Variants in CNTNAP2 observed in about 807,000 individuals in gnomAD.
CNTNAP2 encodes the protein contactin-associated protein-like 2.
In CNTNAP2, 98 loss-of-function variants were observed where a neutral mutation model predicts 155.2. The ratio of observed to expected loss-of-function variants is 0.63; its 90% CI spans 0.54 to 0.75. CNTNAP2 has a LOEUF of 0.75. CNTNAP2 is among the 30% of genes least tolerant of loss of function. The pLI is 0.00. For synonymous variants in CNTNAP2, 651 were observed against 631.2 expected (o/e 1.03, Z -0.47); for missense variants, 1,727 against 1,688.1 (o/e 1.02, Z -0.40).
At position 147,724,907 on chromosome 7, in the gene CNTNAP2, ATGAC is replaced by A. The variant is rs141401845; in HGVS notation, c.2098+85603_2098+85606del. Among the ~76,000 whole-genome samples the A allele has an allele frequency of 7.4e-3, 1,126 of 152,094 alleles. 22 individuals carry two copies. The highest frequency in any genetic ancestry group is 0.026 in the African/African-American group (1,084 of 41,534). On this transcript the variant is annotated intron_variant, in intron 13 of 23. Coordinates refer to ENST00000361727, the MANE Select transcript of CNTNAP2 (RefSeq NM_014141.6). ...AAATATAATTGGATGACTGGAATGAATGACTAAGTGCTTTTTACACTAAGTTGCT... is the reference window on the plus strand; with the variant it reads ...AAATATAATTGGATGACTGGAATGAATAAGTGCTTTTTACACTAAGTTGCT...
At position 147,120,971 on chromosome 7, in the gene CNTNAP2, G is replaced by A. The variant is rs1563083756; in HGVS notation, c.755-8G>A. The A allele has an allele frequency of 1.2e-6, 2 of 1,613,160 alleles. No individual in the cohort carries two copies. Among genetic ancestry groups the A allele is most frequent in the African/African-American group, 1.3e-5 (1 of 75,040 alleles). Reference sequence around the variant, plus strand: ...TGCATTGTTTCTTTTTCACTTCTGTGTACGCAGGAAGCAACCAGCTTGGCC... The same window carrying A: ...TGCATTGTTTCTTTTTCACTTCTGTATACGCAGGAAGCAACCAGCTTGGCC... On this transcript the variant is annotated splice_polypyrimidine_tract_variant and splice_region_variant and intron_variant, in intron 5 of 23. Transcript: ENST00000361727.
chr7:148,219,743 A>T (rs1795712202), intron 19 of CNTNAP2, among the ~76,000 whole-genome samples: 2 of 152,054 alleles, frequency 1.3e-5, no homozygotes, highest in Non-Finnish European at 2.9e-5. Flanking sequence ...CTGAGGGGGG[A>T]GGATCGCTGG....
chr7:146,263,583 A>C (rs1177793613), intron 1 of CNTNAP2, among the ~76,000 whole-genome samples: 1 of 152,216 alleles, frequency 6.6e-6, no homozygotes, highest in Non-Finnish European at 1.5e-5. Context: ...TGTCCGATTA[A>C]CTATTTAGAT....
chr7:146,523,502 A>G (rs923521584), intron 1 of CNTNAP2, among the ~76,000 whole-genome samples: 16 of 152,092 alleles, frequency 1.1e-4, no homozygotes, highest in Non-Finnish European at 2.2e-4. Flanking sequence ...CAATCATATC[A>G]TGTCCAAAAT....
chr7:148,374,086 T>C (rs1414127219), intron 21 of CNTNAP2, among the ~76,000 whole-genome samples: 12 of 152,202 alleles, frequency 7.9e-5, no homozygotes, highest in Admixed American at 6.5e-4. Context: ...CCTCTCAGTT[T>C]CTTCGTGTGC....
At position 147,523,309 on chromosome 7, in the gene CNTNAP2, A is replaced by C. The variant is rs144711278; in HGVS notation, c.1777+37268A>C. 2.6e-5 allele frequency among the ~76,000 whole-genome samples: 4 copies of C among 152,296 alleles called. No individual in the cohort carries two copies. The East Asian group carries it at 7.7e-4, about 29-fold the overall frequency. On this transcript the variant is annotated intron_variant, in intron 11 of 23. Transcript: ENST00000361727. ...AGAGGGAGAGTTCTGACACAGAGAG[A>C]GGAGACAGCGAGAGAGAGAATGAAT... is the stretch of plus-strand genomic sequence containing the variant.
At chr7:148,076,655 T>G (rs1284864710) in intron 15 of CNTNAP2, among the ~76,000 whole-genome samples, 1 of 151,768 alleles carries the variant, frequency 6.6e-6, no homozygotes, top group Non-Finnish European at 1.5e-5. Flanking sequence ...CAGGATGGTC[T>G]CGATCTCCTG....
chr7:148,266,276 A>G (rs1299461211), intron 20 of CNTNAP2, among the ~76,000 whole-genome samples: 1 of 152,222 alleles, frequency 6.6e-6, no homozygotes, highest in Non-Finnish European at 1.5e-5. Context: ...AGAAAGCTCT[A>G]AGAGCTCACA....
intron 1 of CNTNAP2, among the ~76,000 whole-genome samples, chr7:146,675,132 A>G (rs914836969): frequency 1.3e-5 from 2 of 152,136 alleles, no homozygotes; most frequent in African/African-American, 4.8e-5. Context: ...TGTCTGTAAC[A>G]GTGCATAGCA....
At chr7:147,285,117 CTTA>C (rs542713396) in intron 8 of CNTNAP2, among the ~76,000 whole-genome samples, 2 of 151,858 alleles carry the variant, frequency 1.3e-5, no homozygotes, top group Non-Finnish European at 2.9e-5. Context: ...AAACTCTATT[CTTA>C]TTATGCAATT....
At chr7:147,728,441 A>G (rs1301779272) in intron 13 of CNTNAP2, among the ~76,000 whole-genome samples, 1 of 151,998 alleles carries the variant, frequency 6.6e-6, no homozygotes, top group Admixed American at 6.6e-5. Flanking sequence ...ACTGAAACCT[A>G]TTTTCTCCTC....
At chr7:146,931,137 T>C (rs1460726802) in intron 3 of CNTNAP2, among the ~76,000 whole-genome samples, 1 of 151,282 alleles carries the variant, frequency 6.6e-6, no homozygotes. Flanking sequence ...ATATACATTC[T>C]TTTCAGCACC....
intron 13 of CNTNAP2, among the ~76,000 whole-genome samples, chr7:147,733,711 G>A (rs1324151621): frequency 6.6e-6 from 1 of 152,108 alleles, no homozygotes; most frequent in African/African-American, 2.4e-5. Flanking sequence ...ATGGTTTGTA[G>A]TTCTCCTTGA....
intron 1 of CNTNAP2, among the ~76,000 whole-genome samples, chr7:146,344,092 G>T (rs1794779088): frequency 6.6e-6 from 1 of 152,144 alleles, no homozygotes; most frequent in African/African-American, 2.4e-5. Flanking sequence ...TTGAAAAGCA[G>T]TGTTTTCCTG....
At chr7:146,371,875 C>T (rs374913598) in intron 1 of CNTNAP2, among the ~76,000 whole-genome samples, 1 of 151,288 alleles carries the variant, frequency 6.6e-6, no homozygotes. Context: ...GGGAGAATTG[C>T]TTGAACCTGG....
intron 14 of CNTNAP2, among the ~76,000 whole-genome samples, chr7:147,928,009 GA>G (rs1267871908): frequency 6.6e-6 from 1 of 152,194 alleles, no homozygotes; most frequent in African/African-American, 2.4e-5. Context: ...GGAGATCATT[GA>G]ATTATGGGGC....
rs117395388 is a variant in CNTNAP2, at chr7:146,591,461, G to A, written c.98-182810G>A. 2.9e-4 allele frequency among the ~76,000 whole-genome samples: 44 copies of A among 152,314 alleles called. No individual in the cohort carries two copies. In the East Asian group the frequency reaches 7.9e-3, roughly 27 times the overall value. On this transcript the variant is annotated intron_variant, in intron 1 of 23. Transcript: ENST00000361727. Reference sequence around the variant, plus strand: ...TGAGAAAATAGCCAAGAATACCTGAGTATGAAAATAGATGTGAAATTTTAG... The same window carrying A: ...TGAGAAAATAGCCAAGAATACCTGAATATGAAAATAGATGTGAAATTTTAG...
intron 1 of CNTNAP2, among the ~76,000 whole-genome samples, chr7:146,410,095 G>T (rs1389615205): frequency 2.0e-5 from 3 of 152,108 alleles, no homozygotes; most frequent in East Asian, 1.9e-4. Flanking sequence ...GTTCTCTCTT[G>T]TCTCTACTCT....
intron 20 of CNTNAP2, among the ~76,000 whole-genome samples, chr7:148,265,794 T>C (rs1262241439): frequency 2.6e-5 from 4 of 152,180 alleles, no homozygotes; most frequent in East Asian, 3.9e-4. Flanking sequence ...GACTGTGCAA[T>C]GATCTCTAAG....
Sources: allele counts gnomAD v4.1 joint callset (sites outside exome capture counted in the v4.1 genomes callset), GRCh38; gene constraint gnomAD v4.1.1; transcripts MANE v1.5; gene names NCBI Gene and HGNC (gene_info 2026-07-23, HGNC 2026-07-21).